WDR70: variants seen among roughly 807,000 people sequenced by gnomAD.
WDR70 encodes WD repeat-containing protein 70.
WDR70 carries 53 observed loss-of-function variants against 88.6 expected under a neutral mutation model. The ratio of observed to expected loss-of-function variants is 0.60; its 90% CI spans 0.48 to 0.75. WDR70 has a LOEUF of 0.75. Ranked by LOEUF, WDR70 falls within the 30% of genes least tolerant of loss-of-function variation. WDR70 has a pLI of 0.00. For synonymous variants in WDR70, 280 were observed against 270.0 expected (o/e 1.04, Z -0.36); for missense variants, 610 against 823.2 (o/e 0.74, Z 3.17).
chr5:37,710,360 C>T (rs972227330), intron 13 of WDR70, among the ~76,000 whole-genome samples: 11 of 152,102 alleles, frequency 7.2e-5, no homozygotes, highest in Admixed American at 2.6e-4. Context: ...GTCACACACA[C>T]ACCCCCTCTT....
At chr5:37,424,163 A>C (rs1418750229) in intron 5 of WDR70, among the ~76,000 whole-genome samples, 1 of 150,146 alleles carries the variant, frequency 6.7e-6, no homozygotes, top group Non-Finnish European at 1.5e-5. Context: ...AAAAAAAAAA[A>C]AAAAAAAAAC....
intron 10 of WDR70, among the ~76,000 whole-genome samples, chr5:37,655,747 A>G (rs568896663): frequency 6.6e-6 from 1 of 151,774 alleles, no homozygotes; most frequent in East Asian, 2.0e-4. Context: ...ATACTTGTGT[A>G]TGCTTCACGA....
At position 37,723,339 on chromosome 5, in the gene WDR70, C is replaced by CCTTTT. The variant is rs1747879499; in HGVS notation, c.1597+405_1597+406insCTTTT. ...TTAACTTTTAATCAGGGAAGTGTGG[C>CCTTTT]GACCAGAGGAAGGGTCTCTTCCAGC... On this transcript the variant is annotated intron_variant, in intron 15 of 17. Coordinates refer to ENST00000265107, the MANE Select transcript of WDR70 (RefSeq NM_018034.4). 3 of 185,226 alleles carry CCTTTT rather than the reference C, an allele frequency of 1.6e-5. No individual in the cohort carries two copies. In the South Asian group the frequency reaches 3.8e-4, roughly 24 times the overall value. 11.5% of individuals were successfully genotyped at this position (185,226 alleles called of 1,614,324 possible).
chr5:37,623,145 G>A (rs1343284239), intron 10 of WDR70, among the ~76,000 whole-genome samples: 1 of 152,004 alleles, frequency 6.6e-6, no homozygotes, highest in Non-Finnish European at 1.5e-5. Flanking sequence ...AGAATTGAAG[G>A]AAATTTCAAA....
intron 17 of WDR70, among the ~76,000 whole-genome samples, chr5:37,740,146 C>A (rs904196402): frequency 6.6e-6 from 1 of 152,098 alleles, no homozygotes; most frequent in Non-Finnish European, 1.5e-5. Context: ...TTAGACCATC[C>A]CCCAGGGAAG....
In WDR70 at chr5:37,410,015, G is replaced by T. The variant is rs141636144; in HGVS notation, c.492+13445G>T. On this transcript the variant is annotated intron_variant, in intron 5 of 17. Coordinates refer to ENST00000265107, the MANE Select transcript of WDR70 (RefSeq NM_018034.4). ...TTCAGACTTCACCAATCTCTATGTT[G>T]CCCATTCATTTTCTCTGAGAAAGGG... 3.3e-5 allele frequency among the ~76,000 whole-genome samples: 5 copies of T among 151,106 alleles called. No individual in the cohort carries two copies. The East Asian group carries it at 9.7e-4, about 29-fold the overall frequency.
chr5:37,399,194 C>T (rs1374137149), intron 5 of WDR70, among the ~76,000 whole-genome samples: 7 of 152,190 alleles, frequency 4.6e-5, no homozygotes, highest in African/African-American at 7.2e-5. Flanking sequence ...AGGAGAATGG[C>T]GTGAACCTGG....
intron 10 of WDR70, among the ~76,000 whole-genome samples, chr5:37,663,388 C>T (rs565340146): frequency 6.6e-6 from 1 of 152,194 alleles, no homozygotes; most frequent in South Asian, 2.1e-4. Flanking sequence ...GTTTTCTACT[C>T]GACTATCCCA....
At chr5:37,659,608 G>C (rs1408849668) in intron 10 of WDR70, among the ~76,000 whole-genome samples, 4 of 152,162 alleles carry the variant, frequency 2.6e-5, no homozygotes, top group African/African-American at 7.2e-5. Context: ...AGACTGGGTA[G>C]ATAACAGATA....
At chr5:37,567,867 C>T (rs147393912) in intron 9 of WDR70, among the ~76,000 whole-genome samples, 1 of 152,138 alleles carries the variant, frequency 6.6e-6, no homozygotes, top group Non-Finnish European at 1.5e-5. Flanking sequence ...TAGCACTTTT[C>T]AGAAATTAGA....
chr5:37,604,939 T>G, intron 9 of WDR70, 125 bp from the exon 10 acceptor site: 1 of 821,806 alleles, frequency 1.2e-6, no homozygotes, highest in South Asian at 3.2e-5. Context: ...TATTTTATTT[T>G]AAAATAATTA....
At chr5:37,483,869 C>T (rs1354099962) in intron 8 of WDR70, among the ~76,000 whole-genome samples, 3 of 151,800 alleles carry the variant, frequency 2.0e-5, no homozygotes, top group Non-Finnish European at 1.5e-5. Flanking sequence ...GGGCTCCTCA[C>T]TTCTCAGACG....
chr5:37,640,640 G>A (rs955082023), intron 10 of WDR70, among the ~76,000 whole-genome samples: 29 of 152,236 alleles, frequency 1.9e-4, no homozygotes, highest in Admixed American at 1.8e-3. Flanking sequence ...TGATCTTAAA[G>A]CAGCATTTAT....
chr5:37,427,715 C>T (rs1057323168), intron 5 of WDR70, among the ~76,000 whole-genome samples: 1 of 151,904 alleles, frequency 6.6e-6, no homozygotes, highest in Non-Finnish European at 1.5e-5. Flanking sequence ...GATGAAACTC[C>T]GTCTCTGCTA....
intron 9 of WDR70, among the ~76,000 whole-genome samples, chr5:37,566,033 C>A (rs1742731053): frequency 6.6e-6 from 1 of 152,074 alleles, no homozygotes; most frequent in Non-Finnish European, 1.5e-5. Context: ...AGTATACTCA[C>A]AGAGTTGTGC....
chr5:37,680,738 A>G (rs573304741), intron 10 of WDR70, among the ~76,000 whole-genome samples: 10 of 152,176 alleles, frequency 6.6e-5, no homozygotes, highest in South Asian at 4.2e-4. Flanking sequence ...TAGGTTCTCT[A>G]TTCTGTTCCA....
chr5:37,607,200 C>T (rs1460777494), intron 10 of WDR70, among the ~76,000 whole-genome samples: 2 of 151,662 alleles, frequency 1.3e-5, no homozygotes, highest in Non-Finnish European at 2.9e-5. Flanking sequence ...CCTTGGCCTC[C>T]CAAAATGCTG....
chr5:37,712,207 G>T (rs902675650), intron 13 of WDR70, among the ~76,000 whole-genome samples: 1 of 152,056 alleles, frequency 6.6e-6, no homozygotes, highest in Non-Finnish European at 1.5e-5. Context: ...TGGCCAGGCT[G>T]GTCTTGAACT....
At chr5:37,426,530 C>T (rs1317982351) in intron 5 of WDR70, among the ~76,000 whole-genome samples, 1 of 152,172 alleles carries the variant, frequency 6.6e-6, no homozygotes, top group African/African-American at 2.4e-5. Context: ...CTGCAGTTAG[C>T]ATATAGCATG....
Sources: gnomAD v4.1 joint callset for allele counts (sites outside exome capture counted in the v4.1 genomes callset) on GRCh38, gnomAD v4.1.1 for gene constraint, MANE v1.5 for transcripts, NCBI Gene and HGNC (gene_info 2026-07-23, HGNC 2026-07-21) for gene names.